The following STMN3 variants were observed in gnomAD, a reference collection of about 807,000 sequenced individuals.
STMN3 encodes stathmin 3.
STMN3 carries 24 observed loss-of-function variants against 23.2 expected under a neutral mutation model. The observed-to-expected ratio is 1.03, with a 90% CI of 0.75 to 1.45. STMN3 has a LOEUF of 1.45. Among genes scored for constraint, STMN3 ranks in the 40% most tolerant of loss-of-function variants. STMN3 has a pLI of 0.00. For missense variants in STMN3, 235 were observed against 237.6 expected (o/e 0.99, Z 0.07); for synonymous variants, 117 against 103.4 (o/e 1.13, Z -0.80).
Position 63,644,286 on chromosome 20 carries a change from G to A in STMN3, c.43C>T (p.Leu15=). Reference sequence around the variant, plus strand: ...GAGCAGATGAGCGACAGCACCGACAGCTCCTTCATCTTCTCCTTGTAGGCT... The same window carrying A: ...GAGCAGATGAGCGACAGCACCGACAACTCCTTCATCTTCTCCTTGTAGGCT... The part of the protein sequence containing the change: ...ISAYKEKMKE[L]SVLSLICSCF... Residue 15 remains leucine, a synonymous_variant, in exon 2 of 5, where the codon CTG becomes TTG. Coordinates refer to ENST00000370053, the MANE Select transcript of STMN3 (RefSeq NM_015894.4). 1 of 1,613,412 alleles carries A rather than the reference G, an allele frequency of 6.2e-7. No individual in the cohort carries two copies. The highest frequency in any genetic ancestry group is 8.5e-7 in the Non-Finnish European group (1 of 1,179,798).
At chr20:63,647,017 GA>G (rs1296307389) in intron 1 of STMN3, among the ~76,000 whole-genome samples, 2 of 151,598 alleles carry the variant, frequency 1.3e-5, no homozygotes, top group African/African-American at 4.8e-5. Flanking sequence ...TTAAAAAAAA[GA>G]AAAAAATAGC....
intron 1 of STMN3, among the ~76,000 whole-genome samples, chr20:63,648,701 G>GT (rs1275875092): frequency 1.3e-5 from 2 of 152,092 alleles, no homozygotes; most frequent in African/African-American, 2.4e-5. Context: ...GTGCCACTGC[G>GT]TTCCAGCCTG....
In STMN3 at chr20:63,652,714, A is replaced by G. The variant is rs929572173; in HGVS notation, c.19+613T>C. Reference sequence around the variant, plus strand: ...GCAAAGGGCAGTGGCTTTTCTGGCCAGAGCAGGTGGCGCGGGCGTCGCAAA... The same window carrying G: ...GCAAAGGGCAGTGGCTTTTCTGGCCGGAGCAGGTGGCGCGGGCGTCGCAAA... On this transcript the variant is annotated intron_variant, in intron 1 of 4. Transcript: ENST00000370053. This position sits in a 1 kb window ranked among gnomAD's most constrained non-coding sequence, Gnocchi z 5.3. 2 of 985,916 alleles carry G rather than the reference A, an allele frequency of 2.0e-6. No individual in the cohort carries two copies. The highest frequency in any genetic ancestry group is 3.5e-5 in the African/African-American group (2 of 57,250). 61.1% of individuals were successfully genotyped at this position (985,916 alleles called of 1,614,324 possible).
intron 3 of STMN3, 146 bp from the exon 4 acceptor site, chr20:63,642,445 C>T (rs1458413788): frequency 5.7e-6 from 2 of 349,536 alleles, no homozygotes; most frequent in Middle Eastern, 8.1e-4. Flanking sequence ...CCGGGACCCC[C>T]GGGCGCTGCC....
chr20:63,647,755 AATAT>A (rs1169021305), intron 1 of STMN3, among the ~76,000 whole-genome samples: 10 of 125,348 alleles, frequency 8.0e-5, no homozygotes, highest in East Asian at 2.0e-4. Flanking sequence ...GTATATATAT[AATAT>A]ATATACATAT....
At chr20:63,651,469 G>A (rs1057057187) in intron 1 of STMN3, among the ~76,000 whole-genome samples, 4 of 152,052 alleles carry the variant, frequency 2.6e-5, no homozygotes, top group South Asian at 4.1e-4. Context: ...GGCTGCTGCC[G>A]GCTCCCCCCG....
chr20:63,647,750 T>C (rs2089823139), intron 1 of STMN3, among the ~76,000 whole-genome samples: 1 of 125,606 alleles, frequency 8.0e-6, no homozygotes, highest in Non-Finnish European at 1.7e-5. Flanking sequence ...CACGTGTATA[T>C]ATATAATATA....
chr20:63,647,781 T>G (rs184980851), intron 1 of STMN3, among the ~76,000 whole-genome samples: 2 of 124,488 alleles, frequency 1.6e-5, no homozygotes, highest in African/African-American at 6.0e-5. Flanking sequence ...TACACGTGTA[T>G]ATATATAATA....
rs2089871520 is a variant in STMN3 at position 63,652,854 on chromosome 20, C to T, written c.19+473G>A. 2 of 940,940 alleles carry T rather than the reference C, an allele frequency of 2.1e-6. No homozygotes were observed. The highest frequency in any genetic ancestry group is 2.5e-6 in the Non-Finnish European group (2 of 789,422). 58.3% of individuals were successfully genotyped at this position (940,940 alleles called of 1,614,324 possible). A position where few individuals can be genotyped will look rare whatever the true frequency, so the allele number is the denominator to read the frequency against. ...AGCGCCCCCTCCAGCCCCTGTGCTG[C>T]ACTGGCGCGGGGAGCGCCGGGTTCC... On this transcript the variant is annotated intron_variant, in intron 1 of 4. Transcript: ENST00000370053. This position sits in a 1 kb window ranked among gnomAD's most constrained non-coding sequence, Gnocchi z 5.3.
chr20:63,642,890 C>T (rs1024908209), intron 3 of STMN3, among the ~76,000 whole-genome samples: 1 of 152,174 alleles, frequency 6.6e-6, no homozygotes, highest in Non-Finnish European at 1.5e-5. Flanking sequence ...GGTCTCTGGC[C>T]TCACCGGGAA....
chr20:63,646,984 G>A (rs1198809049), intron 1 of STMN3, among the ~76,000 whole-genome samples: 2 of 147,844 alleles, frequency 1.4e-5, no homozygotes, highest in African/African-American at 2.5e-5. Flanking sequence ...GAGCCACCGC[G>A]CCCGCCCGGC....
At chr20:63,647,948 G>GTGTGTA (rs1320052757) in intron 1 of STMN3, among the ~76,000 whole-genome samples, 12 of 63,828 alleles carry the variant, frequency 1.9e-4, no homozygotes, top group South Asian at 4.2e-4. Context: ...GTGTGTGTGT[G>GTGTGTA]TATATATATA....
intron 1 of STMN3, among the ~76,000 whole-genome samples, chr20:63,644,856 C>G (rs762889669): frequency 6.6e-6 from 1 of 151,672 alleles, no homozygotes; most frequent in Non-Finnish European, 1.5e-5. Context: ...CTCCAGGCAC[C>G]GACTCTGCCG....
chr20:63,643,968 G>T, intron 2 of STMN3, 37 bp from the exon 3 acceptor site: 1 of 1,582,772 alleles, frequency 6.3e-7, no homozygotes, highest in Non-Finnish European at 8.5e-7. Flanking sequence ...TCAGAGGCCC[G>T]GCCAGGGCAT....
At chr20:63,653,254 G>A in intron 1 of STMN3, 73 bp downstream of exon 1, 1 of 1,512,416 alleles carries the variant, frequency 6.6e-7, no homozygotes, top group Middle Eastern at 1.7e-4. Flanking sequence ...GCCGGCCGCT[G>A]CCCCAGGCGA....
Position 63,643,900 on chromosome 20 carries a change from G to A in STMN3, c.147C>T (p.Ala49=). 6.3e-7 allele frequency: 1 copy of A among 1,599,162 alleles called. No homozygotes were observed. The highest frequency in any genetic ancestry group is 8.5e-7 in the Non-Finnish European group (1 of 1,176,228). ...GGATGACCTCGAAGCTCTGGCCTGAGGCCCGCTTGTCCAGCTGCTTCACCT... is the reference window on the plus strand; with the variant it reads ...GGATGACCTCGAAGCTCTGGCCTGAAGCCCGCTTGTCCAGCTGCTTCACCT... The part of the protein sequence containing the change: ...DMEVKQLDKR[A]SGQSFEVILK... The change falls in exon 3 of 5, where the codon GCC becomes GCT. Residue 49 remains alanine, a synonymous_variant. Transcript: ENST00000370053.
rs543972496 is a variant in STMN3 at position 63,639,917 on chromosome 20, G to A, written c.*1421C>T. 1 of 152,514 alleles carries A rather than the reference G, an allele frequency of 6.6e-6. No individual in the cohort carries two copies. Among genetic ancestry groups the A allele is most frequent in the Non-Finnish European group, 1.5e-5 (1 of 68,050 alleles). 9.4% of individuals were successfully genotyped at this position (152,514 alleles called of 1,614,324 possible). On this transcript the variant is annotated 3_prime_UTR_variant, in exon 5 of 5. Transcript: ENST00000370053. ...ACAGCCTTGGGTTCCCATCCCAGCT[G>A]GCTGCTCCTTCTGGGGCTGTCTTGG...
intron 1 of STMN3, 122 bp downstream of exon 1, chr20:63,653,205 G>T: frequency 7.6e-7 from 1 of 1,310,308 alleles, no homozygotes; most frequent in Non-Finnish European, 1.0e-6. Flanking sequence ...GCCCAGGCTT[G>T]CAACGCGCAG....
chr20:63,642,348 C>T (rs2146113804), intron 3 of STMN3, 49 bp from the exon 4 acceptor site: 3 of 1,325,006 alleles, frequency 2.3e-6, no homozygotes, highest in Admixed American at 4.0e-5. Context: ...GGGCCCTGCC[C>T]GGCCGGACTC....
Sources: allele counts gnomAD v4.1 joint callset (sites outside exome capture counted in the v4.1 genomes callset), GRCh38; gene constraint gnomAD v4.1.1; non-coding constraint Gnocchi (gnomAD v3.1); transcripts MANE v1.5; gene names NCBI Gene and HGNC (gene_info 2026-07-23, HGNC 2026-07-21).